Variants in SCAI observed in about 807,000 individuals in gnomAD.
The protein encoded by SCAI is suppressor of cancer cell invasion, also known as protein SCAI.
SCAI carries 24 observed loss-of-function variants against 92.2 expected under a neutral mutation model. The observed-to-expected ratio is 0.26, with a 90% CI of 0.19 to 0.37. SCAI has a LOEUF of 0.37. SCAI is among the 10% of genes least tolerant of loss of function. The pLI is 1.00. For missense variants in SCAI, 450 were observed against 736.2 expected (o/e 0.61, Z 4.50); for synonymous variants, 261 against 258.6 (o/e 1.01, Z -0.09).
intron 2 of SCAI, among the ~76,000 whole-genome samples, chr9:125,111,997 A>G (rs375916073): frequency 1.3e-5 from 2 of 152,178 alleles, no homozygotes; most frequent in Non-Finnish European, 2.9e-5. Flanking sequence ...TGTAGAAGAA[A>G]ACTACCAGAG....
intron 2 of SCAI, among the ~76,000 whole-genome samples, chr9:125,086,751 C>G (rs1488351190): frequency 2.0e-5 from 3 of 152,160 alleles, no homozygotes; most frequent in African/African-American, 7.2e-5. Flanking sequence ...TGGTGTCAAA[C>G]AGCCTGCACT....
intron 9 of SCAI, among the ~76,000 whole-genome samples, chr9:125,004,989 T>C (rs979766934): frequency 6.6e-6 from 1 of 150,958 alleles, no homozygotes; most frequent in Non-Finnish European, 1.5e-5. Context: ...GGTTTCTCCA[T>C]GTTGGTCAGG....
chr9:124,963,403 G>C (rs1341919223), intron 17 of SCAI, among the ~76,000 whole-genome samples: 1 of 151,946 alleles, frequency 6.6e-6, no homozygotes, highest in Admixed American at 6.6e-5. Flanking sequence ...CAAAGTGCTG[G>C]GATTACAGGC....
chr9:125,111,999 C>G (rs1834939031), intron 2 of SCAI, among the ~76,000 whole-genome samples: 2 of 152,224 alleles, frequency 1.3e-5, no homozygotes, highest in South Asian at 4.1e-4. Flanking sequence ...TAGAAGAAAA[C>G]TACCAGAGAG....
At chr9:124,986,396 GT>G (rs1346091325) in intron 14 of SCAI, among the ~76,000 whole-genome samples, 1 of 152,186 alleles carries the variant, frequency 6.6e-6, no homozygotes, top group African/African-American at 2.4e-5. Flanking sequence ...CAATAGATGG[GT>G]TTGAGAGCAA....
At chr9:125,016,514 G>C (rs111774094) in intron 9 of SCAI, among the ~76,000 whole-genome samples, 46 of 152,018 alleles carry the variant, frequency 3.0e-4, no homozygotes, top group Middle Eastern at 3.4e-3. Context: ...GAAAAAATCA[G>C]TATTTCATTT....
intron 2 of SCAI, among the ~76,000 whole-genome samples, chr9:125,090,670 T>G (rs1032698994): frequency 5.6e-4 from 86 of 152,294 alleles, no homozygotes; most frequent in East Asian, 3.9e-4. Flanking sequence ...TACACTCCTA[T>G]ACTCCATTCT....
At chr9:124,980,298 C>T (rs1473806337) in intron 14 of SCAI, among the ~76,000 whole-genome samples, 2 of 149,290 alleles carry the variant, frequency 1.3e-5, no homozygotes, top group East Asian at 3.9e-4. Flanking sequence ...TGCTAACGAA[C>T]TTCTCTCCTG....
At chr9:125,008,910 C>T (rs1832571367) in intron 9 of SCAI, among the ~76,000 whole-genome samples, 1 of 151,990 alleles carries the variant, frequency 6.6e-6, no homozygotes, top group Admixed American at 6.6e-5. Flanking sequence ...CATAGTAAAA[C>T]TGCAAAGAAT....
At chr9:125,018,748 G>T in intron 9 of SCAI, 51 bp downstream of exon 9, 2 of 1,433,072 alleles carry the variant, frequency 1.4e-6, no homozygotes, top group Middle Eastern at 1.8e-4. Context: ...ATCATCAATA[G>T]CACTATTTTT....
intron 2 of SCAI, among the ~76,000 whole-genome samples, chr9:125,080,384 G>C (rs374352945): frequency 2.0e-5 from 3 of 152,098 alleles, no homozygotes; most frequent in East Asian, 1.9e-4. Flanking sequence ...GTCTGATCCC[G>C]AGTTATCCCA....
At chr9:124,985,730 G>A (rs1020356043) in intron 14 of SCAI, among the ~76,000 whole-genome samples, 7 of 152,014 alleles carry the variant, frequency 4.6e-5, no homozygotes, top group African/African-American at 1.7e-4. Flanking sequence ...AGCCAGGCGT[G>A]GTGGCACATG....
rs1346228905 is a variant in SCAI at position 124,949,047 on chromosome 9, A to G, written c.*3760T>C. On this transcript the variant is annotated 3_prime_UTR_variant, in exon 18 of 18. Coordinates refer to ENST00000336505, the MANE Select transcript of SCAI (RefSeq NM_001144877.3). This position sits in a 1 kb window ranked among gnomAD's most constrained non-coding sequence, Gnocchi z 4.0. ...AAGAAATACAGAAGCTGGGTAAGGTACAAGGAGGATTTATTAAACTGTATG... is the reference window on the plus strand; with the variant it reads ...AAGAAATACAGAAGCTGGGTAAGGTGCAAGGAGGATTTATTAAACTGTATG... The G allele has an allele frequency of 6.6e-6, 1 of 152,260 alleles. No homozygotes were observed. Among genetic ancestry groups the G allele is most frequent in the African/African-American group, 2.4e-5 (1 of 41,474 alleles). 9.4% of individuals were successfully genotyped at this position (152,260 alleles called of 1,614,324 possible). A position where few individuals can be genotyped will look rare whatever the true frequency, so the allele number is the denominator to read the frequency against.
chr9:125,096,400 A>G (rs1169714255), intron 2 of SCAI, among the ~76,000 whole-genome samples: 1 of 152,238 alleles, frequency 6.6e-6, no homozygotes, highest in East Asian at 1.9e-4. Context: ...GGGTGGGGAC[A>G]CAGGCAAACC....
intron 9 of SCAI, among the ~76,000 whole-genome samples, chr9:125,005,389 C>T (rs571612077): frequency 2.6e-5 from 4 of 152,038 alleles, no homozygotes; most frequent in East Asian, 1.9e-4. Context: ...TGGAGTGCAA[C>T]GGCGCAATCT....
intron 2 of SCAI, among the ~76,000 whole-genome samples, chr9:125,109,149 C>A (rs1022291253): frequency 3.9e-5 from 6 of 152,134 alleles, no homozygotes; most frequent in Non-Finnish European, 8.8e-5. Context: ...TAAACAGATG[C>A]TTGAAGGCAG....
intron 17 of SCAI, among the ~76,000 whole-genome samples, chr9:124,957,375 T>G (rs973116803): frequency 3.3e-5 from 5 of 152,092 alleles, no homozygotes. Flanking sequence ...TCAATTTTTT[T>G]TTTTTGAGAT....
At chr9:124,978,603 A>AAATGCAT (rs1287862315) in intron 14 of SCAI, among the ~76,000 whole-genome samples, 1 of 152,250 alleles carries the variant, frequency 6.6e-6, no homozygotes, top group African/African-American at 2.4e-5. Context: ...TATTACACTC[A>AAATGCAT]AATGCATATT....
In SCAI at chr9:124,951,734, A is replaced by G. The variant is rs1269248911; in HGVS notation, c.*1073T>C. The G allele has an allele frequency of 6.6e-6, 1 of 152,188 alleles. No homozygotes were observed. Among genetic ancestry groups the G allele is most frequent in the African/African-American group, 2.4e-5 (1 of 41,448 alleles). The allele number at this position is 152,188 out of a possible 1,614,324, so 9.4% of individuals were successfully genotyped here. ...ATTATAAAGGGAATGACAGGGAAGG[A>G]AAACACAAAAAAGAAAAATCTTTAT... is the stretch of plus-strand genomic sequence containing the variant. On this transcript the variant is annotated 3_prime_UTR_variant, in exon 18 of 18. Coordinates refer to ENST00000336505, the MANE Select transcript of SCAI (RefSeq NM_001144877.3).
Sources: allele counts gnomAD v4.1 joint callset (sites outside exome capture counted in the v4.1 genomes callset), GRCh38; gene constraint gnomAD v4.1.1; non-coding constraint Gnocchi (gnomAD v3.1); transcripts MANE v1.5; gene names NCBI Gene and HGNC (gene_info 2026-07-23, HGNC 2026-07-21).